Variants in ZNF157 observed in about 807,000 individuals in gnomAD.
ZNF157 encodes the protein zinc finger protein 22.
ZNF157 carries 8 observed loss-of-function variants against 9.4 expected under a neutral mutation model. The ratio of observed to expected loss-of-function variants is 0.85; its 90% CI spans 0.50 to 1.53. The LOEUF is 1.53. Among genes scored for constraint, ZNF157 ranks in the 40% most tolerant of loss-of-function variants. The pLI is 0.00. For synonymous variants in ZNF157, 120 were observed against 130.8 expected, an observed-to-expected ratio of 0.92 and a Z score of 0.56; for missense variants, 316 against 385.2, an observed-to-expected ratio of 0.82 and a Z score of 1.50.
At chrX:47,382,999 T>G (rs28826012) in intron 1 of ZNF157, among the ~76,000 whole-genome samples, 9,424 of 110,010 alleles carry the variant, frequency 0.086, 1,019 homozygotes, top group African/African-American at 0.29. Flanking sequence ...ATGAAAACAT[T>G]AAGTTAACGT....
chrX:47,410,354 A>G lies in ZNF157; in HGVS notation c.151A>G (p.Met51Val), dbSNP rs745776723. Residue 51 changes from methionine (M) to valine (V), a missense_variant, in exon 2 of 4, where the codon ATG becomes GTG. This residue lies in a region of ZNF157 where 146 missense variants were observed against 183.8 expected (regional missense o/e 0.79). Transcript: ENST00000377073. ...WHRLDPAQRT[M>V]HKDVMLETYS... ...CAGACTGGACCCTGCTCAGAGGACC[A>G]TGCACAAGGATGTGATGCTGGAGAC... 1.7e-6 allele frequency: 2 copies of G among 1,211,588 alleles called. No individual in the cohort carries two copies. The highest frequency in any genetic ancestry group is 3.0e-5 in the East Asian group (1 of 33,857).
chrX:47,382,277 C>T (rs1245400028), intron 1 of ZNF157, among the ~76,000 whole-genome samples: 2 of 88,933 alleles, frequency 2.2e-5, no homozygotes, highest in Non-Finnish European at 4.2e-5. Context: ...TGAAATTCAA[C>T]AGAACTTTTT....
chrX:47,410,388 A>G lies in ZNF157; in HGVS notation c.185A>G (p.Asn62Ser). 3.3e-6 allele frequency: 4 copies of G among 1,210,631 alleles called. 1 individual carries two copies. The highest frequency in any genetic ancestry group is 3.5e-5 in the South Asian group (2 of 56,895). The change falls in exon 2 of 4, where the codon AAC (asparagine) becomes AGC (serine). Residue 62 changes from asparagine to serine, a missense_variant. Transcript: ENST00000377073. ...GATGTGATGCTGGAGACCTACAGCA[A>G]CCTGGCATCTGTGGGTGAGGATGAT... ...HKDVMLETYS[N>S]LASVGLCVAK...
rs200982459 is a variant in ZNF157 at position 47,402,541 on chromosome X, AT to A, written c.73-7720del. On this transcript the variant is annotated intron_variant, in intron 1 of 3. Coordinates refer to ENST00000377073, the MANE Select transcript of ZNF157 (RefSeq NM_003446.4). ...TTGTTTGCATTTGATAAATTTTTTA[AT>A]TTTTTTTTTTTTTTGGAGTCAGAGT... Among the ~76,000 whole-genome samples, 36 of 93,006 alleles carry A rather than the reference AT, an allele frequency of 3.9e-4. 1 individual carries two copies. The highest frequency in any genetic ancestry group is 1.0e-3 in the South Asian group (2 of 1,922). 80.8% of individuals were successfully genotyped at this position (93,006 alleles called of 115,157 possible).
chrX:47,403,682 C>T (rs1405873070), intron 1 of ZNF157, among the ~76,000 whole-genome samples: 1 of 111,052 alleles, frequency 9.0e-6, no homozygotes, highest in African/African-American at 3.3e-5. Flanking sequence ...ATATCAAGAA[C>T]CAGGAACATT....
chrX:47,387,718 G>A (rs779021544), intron 1 of ZNF157, among the ~76,000 whole-genome samples: 27 of 107,396 alleles, frequency 2.5e-4, no homozygotes, highest in African/African-American at 7.8e-4. Flanking sequence ...CCTGGCCAAT[G>A]TAGTGAAACC....
chrX:47,378,933 G>T (rs2055853065), intron 1 of ZNF157, among the ~76,000 whole-genome samples: 2 of 111,491 alleles, frequency 1.8e-5, no homozygotes, highest in Non-Finnish European at 3.8e-5. Context: ...GTTGGTTTAG[G>T]TTGGATCTCT....
chrX:47,376,442 C>A (rs1475755827), intron 1 of ZNF157, among the ~76,000 whole-genome samples: 1 of 111,210 alleles, frequency 9.0e-6, no homozygotes, highest in Non-Finnish European at 1.9e-5. Flanking sequence ...TGGTGAAATC[C>A]CGTCTCTACT....
chrX:47,402,625 C>T (rs1280425302), intron 1 of ZNF157, among the ~76,000 whole-genome samples: 6 of 107,243 alleles, frequency 5.6e-5, no homozygotes, highest in Admixed American at 1.0e-4. Flanking sequence ...CTGCAAGCTC[C>T]GCCTCCCGGG....
At chrX:47,402,871 A>C (rs752776261) in intron 1 of ZNF157, among the ~76,000 whole-genome samples, 1 of 110,086 alleles carries the variant, frequency 9.1e-6, no homozygotes, top group Non-Finnish European at 1.9e-5. Context: ...TAGAGGATAC[A>C]AGTACAGCTT....
intron 1 of ZNF157, among the ~76,000 whole-genome samples, chrX:47,385,425 T>TA (rs2055876623): frequency 9.0e-6 from 1 of 110,949 alleles, no homozygotes; most frequent in African/African-American, 3.3e-5. Flanking sequence ...TTTACGGTGT[T>TA]ACTCTAAGTC....
intron 1 of ZNF157, 32 bp from the exon 2 acceptor site, chrX:47,410,244 C>T: frequency 8.3e-7 from 1 of 1,210,462 alleles, no homozygotes; most frequent in South Asian, 1.8e-5. Flanking sequence ...TTTCATGCAT[C>T]CCATTCTGAT....
At chrX:47,370,852 T>A in intron 1 of ZNF157, 112 bp downstream of exon 1, 1 of 711,231 alleles carries the variant, frequency 1.4e-6, no homozygotes, top group Non-Finnish European at 2.0e-6. Flanking sequence ...ACCATTTACC[T>A]AGTTTTTGTC....
chrX:47,394,162 C>G (rs1287269858), intron 1 of ZNF157, among the ~76,000 whole-genome samples: 1 of 110,308 alleles, frequency 9.1e-6, no homozygotes, highest in Non-Finnish European at 1.9e-5. Context: ...CAGGGTTTCA[C>G]TGTGTTAGCC....
At chrX:47,372,493 TC>T (rs1411270473) in intron 1 of ZNF157, among the ~76,000 whole-genome samples, 1 of 90,244 alleles carries the variant, frequency 1.1e-5, no homozygotes, top group Non-Finnish European at 2.1e-5. Flanking sequence ...TTATTTGTAT[TC>T]TTTTTTTTTT....
chrX:47,383,094 G>T (rs1358562191), intron 1 of ZNF157, among the ~76,000 whole-genome samples: 1 of 110,284 alleles, frequency 9.1e-6, no homozygotes, highest in Admixed American at 9.8e-5. Context: ...GGGATGGCCG[G>T]GCGCAGTGGC....
chrX:47,381,400 ATC>A (rs1044142581), intron 1 of ZNF157, among the ~76,000 whole-genome samples: 8 of 111,972 alleles, frequency 7.1e-5, no homozygotes, highest in African/African-American at 2.3e-4. Flanking sequence ...AACATGCAAT[ATC>A]TCTCTGTTTA....
At chrX:47,398,497 C>A (rs1239311163) in intron 1 of ZNF157, among the ~76,000 whole-genome samples, 3 of 110,684 alleles carry the variant, frequency 2.7e-5, no homozygotes, top group Non-Finnish European at 3.8e-5. Context: ...TTTTTTATTT[C>A]TTTTTCTTTT....
At chrX:47,378,027 T>C (rs762118826) in intron 1 of ZNF157, among the ~76,000 whole-genome samples, 19 of 111,386 alleles carry the variant, frequency 1.7e-4, no homozygotes, top group African/African-American at 6.2e-4. Flanking sequence ...ACAGGGGAAC[T>C]GCACTAGAGA....
Sources: gnomAD v4.1 joint callset for allele counts (sites outside exome capture counted in the v4.1 genomes callset) on GRCh38, gnomAD v4.1.1 for gene constraint, gnomAD v4.1.1 regional missense constraint, MANE v1.5 for transcripts, NCBI Gene and HGNC (gene_info 2026-07-23, HGNC 2026-07-21) for gene names.